The following SNTG1 variants were observed in gnomAD, a reference collection of about 807,000 sequenced individuals.
The protein encoded by SNTG1 is syntrophin gamma 1, also known as gamma-1-syntrophin.
A neutral mutation model predicts 74.7 loss-of-function variants in SNTG1; 39 were observed. The ratio of observed to expected loss-of-function variants is 0.52; its 90% CI spans 0.40 to 0.68. The LOEUF (loss-of-function observed/expected upper bound fraction) is 0.68. SNTG1 is among the 30% of genes least tolerant of loss of function. The pLI, the probability that SNTG1 is intolerant of heterozygous loss-of-function variation, is 0.00. For missense variants in SNTG1, 685 were observed against 609.5 expected, an observed-to-expected ratio of 1.12 and a Z score of -1.30; for synonymous variants, 254 against 217.1, an observed-to-expected ratio of 1.17 and a Z score of -1.49.
At chr8:50,482,229 T>C (rs370563482) in intron 8 of SNTG1, among the ~76,000 whole-genome samples, 2 of 152,288 alleles carry the variant, frequency 1.3e-5, no homozygotes, top group Admixed American at 6.5e-5. Context: ...TAAAAGCTGC[T>C]CTTTTTCCTC....
intron 1 of SNTG1, among the ~76,000 whole-genome samples, chr8:50,070,534 C>T (rs920524615): frequency 3.9e-5 from 6 of 152,024 alleles, no homozygotes; most frequent in Admixed American, 1.3e-4. Flanking sequence ...ACTGGTCAGG[C>T]CAAATGACTA....
chr8:50,382,791 A>G (rs1396955616), intron 2 of SNTG1, among the ~76,000 whole-genome samples: 2 of 152,316 alleles, frequency 1.3e-5, no homozygotes, highest in East Asian at 3.9e-4. Context: ...ATGTATGTGT[A>G]CACATATTTT....
intron 1 of SNTG1, among the ~76,000 whole-genome samples, chr8:50,061,182 C>A (rs1183053440): frequency 1.3e-5 from 2 of 152,014 alleles, no homozygotes; most frequent in Non-Finnish European, 2.9e-5. Context: ...AGCCTAAAGA[C>A]TTTACTGGGG....
At chr8:50,620,891 G>C (rs1385991717) in intron 13 of SNTG1, among the ~76,000 whole-genome samples, 1 of 152,160 alleles carries the variant, frequency 6.6e-6, no homozygotes, top group Admixed American at 6.5e-5. Context: ...AATAAATAAA[G>C]TGATTGTGGC....
At chr8:50,725,949 T>C (rs1234127456) in intron 17 of SNTG1, among the ~76,000 whole-genome samples, 3 of 152,214 alleles carry the variant, frequency 2.0e-5, no homozygotes, top group African/African-American at 4.8e-5. Flanking sequence ...CAAGGCTCTT[T>C]AGTATTCCAC....
chr8:50,311,312 C>A (rs1267423234), intron 2 of SNTG1, among the ~76,000 whole-genome samples: 1 of 152,146 alleles, frequency 6.6e-6, no homozygotes, highest in Non-Finnish European at 1.5e-5. Flanking sequence ...ACACAGTGTG[C>A]CACTTTAGGA....
At chr8:50,143,404 C>T (rs2081744091) in intron 1 of SNTG1, among the ~76,000 whole-genome samples, 1 of 152,100 alleles carries the variant, frequency 6.6e-6, no homozygotes, top group South Asian at 2.1e-4. Flanking sequence ...ATGGGGAATA[C>T]AATTATATTT....
At chr8:49,978,959 A>G (rs978074625) in intron 1 of SNTG1, among the ~76,000 whole-genome samples, 6 of 152,200 alleles carry the variant, frequency 3.9e-5, no homozygotes, top group African/African-American at 1.4e-4. Flanking sequence ...GGAGATATGG[A>G]TGAATAAAGG....
chr8:50,526,917 C>G (rs566085403), intron 9 of SNTG1, among the ~76,000 whole-genome samples: 1 of 152,194 alleles, frequency 6.6e-6, no homozygotes, highest in South Asian at 2.1e-4. Flanking sequence ...GCACCGCGCC[C>G]GGCCCGAAGT....
chr8:50,228,329 C>A (rs1252446812), intron 2 of SNTG1, among the ~76,000 whole-genome samples: 3 of 151,736 alleles, frequency 2.0e-5, no homozygotes, highest in African/African-American at 7.3e-5. Flanking sequence ...ATGTGGACTA[C>A]CTTACAAAGA....
intron 1 of SNTG1, among the ~76,000 whole-genome samples, chr8:50,136,862 T>C (rs1235738042): frequency 1.3e-5 from 2 of 152,162 alleles, no homozygotes; most frequent in East Asian, 1.9e-4. Flanking sequence ...CCATGGTAAC[T>C]TGTGGTCCAT....
chr8:50,601,152 C>CAAAAAAAAAAAAAAAAAAAA lies in SNTG1; in HGVS notation c.849+10248_849+10267dup, dbSNP rs71235311. On this transcript the variant is annotated intron_variant, in intron 13 of 18. Transcript: ENST00000642720. ...CAGCCTGGTGACAGAGCCAGCGAGACAAAAAAAAAAAAAAAAAAAAAAAAA... is the reference window on the plus strand; with the variant it reads ...CAGCCTGGTGACAGAGCCAGCGAGACAAAAAAAAAAAAAAAAAAAAAAAAAAAAAAAAAAAAAAAAAAAAA... Among the ~76,000 whole-genome samples, 7 of 31,438 alleles carry CAAAAAAAAAAAAAAAAAAAA rather than the reference C, an allele frequency of 2.2e-4. 1 individual carries two copies. The highest frequency in any genetic ancestry group is 1.2e-3 in the African/African-American group (6 of 5,080). The allele number at this position is 31,438 out of a possible 152,430, so 20.6% of individuals were successfully genotyped here. A position where few individuals can be genotyped will look rare whatever the true frequency, so the allele number is the denominator to read the frequency against.
At chr8:50,696,929 G>T (rs1227606703) in intron 15 of SNTG1, among the ~76,000 whole-genome samples, 3 of 151,928 alleles carry the variant, frequency 2.0e-5, no homozygotes, top group Admixed American at 2.0e-4. Flanking sequence ...CTAATTTGGG[G>T]TCTTTTGGGG....
At chr8:50,259,497 TCA>T (rs2087049635) in intron 2 of SNTG1, among the ~76,000 whole-genome samples, 1 of 73,774 alleles carries the variant, frequency 1.4e-5, no homozygotes, top group Admixed American at 1.2e-4. Flanking sequence ...AGACGCTGTC[TCA>T]AAAAAAAAAA....
intron 18 of SNTG1, among the ~76,000 whole-genome samples, chr8:50,768,441 G>A (rs2095619156): frequency 6.6e-6 from 1 of 152,042 alleles, no homozygotes; most frequent in Admixed American, 6.6e-5. Flanking sequence ...TTCATGATGT[G>A]TTGATGTTTG....
chr8:50,398,356 T>C lies in SNTG1; in HGVS notation c.28-3854T>C, dbSNP rs184113609. On this transcript the variant is annotated intron_variant, in intron 3 of 18. Transcript: ENST00000642720. ...ACATCTCTCCTGCAGCGGCCCCTGC[T>C]GGACCACACAGGCTCAGCGGCGAGC... is the stretch of plus-strand genomic sequence containing the variant. Among the ~76,000 whole-genome samples, 652 of 152,352 alleles carry C rather than the reference T, an allele frequency of 4.3e-3. 6 individuals are homozygous for C. The highest frequency in any genetic ancestry group is 0.014 in the African/African-American group (594 of 41,586).
chr8:50,057,184 C>A (rs1006296368), intron 1 of SNTG1, among the ~76,000 whole-genome samples: 2 of 152,054 alleles, frequency 1.3e-5, no homozygotes, highest in African/African-American at 2.4e-5. Context: ...TTACTCAGAA[C>A]GTGGTGTTCT....
At chr8:50,317,922 C>T (rs986833269) in intron 2 of SNTG1, among the ~76,000 whole-genome samples, 3 of 152,148 alleles carry the variant, frequency 2.0e-5, no homozygotes, top group Admixed American at 6.5e-5. Flanking sequence ...CTGCAAGCTC[C>T]GCCTCCCGGG....
intron 2 of SNTG1, among the ~76,000 whole-genome samples, chr8:50,329,493 C>T (rs28869785): frequency 0.048 from 7,290 of 152,120 alleles, 391 homozygotes; most frequent in South Asian, 0.16. Flanking sequence ...CAAAACACCA[C>T]GTAGAAGCTT....
Sources: gnomAD v4.1 joint callset for allele counts (sites outside exome capture counted in the v4.1 genomes callset) on GRCh38, gnomAD v4.1.1 for gene constraint, MANE v1.5 for transcripts, NCBI Gene and HGNC (gene_info 2026-07-23, HGNC 2026-07-21) for gene names.